MYT1L: variants seen among roughly 807,000 people sequenced by gnomAD.
MYT1L encodes myelin transcription factor 1 like.
A neutral mutation model predicts 126.7 loss-of-function variants in MYT1L; 12 were observed. The observed-to-expected ratio is 0.09, with a 90% CI of 0.06 to 0.15. The LOEUF (loss-of-function observed/expected upper bound fraction) is 0.15. Among genes scored for constraint, MYT1L ranks in the 10% least tolerant of loss-of-function variants. The pLI is 1.00. For synonymous variants in MYT1L, 541 were observed against 604.2 expected, an observed-to-expected ratio of 0.90 and a Z score of 1.53; for missense variants, 979 against 1,585.2, an observed-to-expected ratio of 0.62 and a Z score of 6.49.
rs1467371912 is a variant in MYT1L at position 2,112,376 on chromosome 2, G to GA, written c.-303-58254dup. Among the ~76,000 whole-genome samples the GA allele has an allele frequency of 2.0e-5, 3 of 152,304 alleles. No homozygotes were observed. The South Asian group carries it at 6.2e-4, about 32-fold the overall frequency. The stretch of plus-strand genomic sequence containing the variant: ...TCACCCCACAATTTACTGGTCAAAG[G>GA]AAAGTATTGTACGTTTGAAACACTT... On this transcript the variant is annotated intron_variant, in intron 3 of 24. Coordinates refer to ENST00000647738, the MANE Select transcript of MYT1L (RefSeq NM_001303052.2).
chr2:1,952,899 T>TTACCTTTGCC (rs2057987933), intron 8 of MYT1L, among the ~76,000 whole-genome samples: 1 of 66,406 alleles, frequency 1.5e-5, no homozygotes, highest in African/African-American at 8.3e-5. Flanking sequence ...TCCCTCCTTC[T>TTACCTTTGCC]TTCCCTTCCT....
chr2:2,071,299 G>T (rs748523493), intron 3 of MYT1L, among the ~76,000 whole-genome samples: 4 of 152,130 alleles, frequency 2.6e-5, no homozygotes, highest in African/African-American at 9.7e-5. Context: ...TTAATAATGA[G>T]ATTAGGATAA....
rs1305165736 is a variant in MYT1L, at chr2:1,793,201, A to G, written c.3277-737T>C. Among the ~76,000 whole-genome samples, 2 of 152,222 alleles carry G rather than the reference A, an allele frequency of 1.3e-5. No homozygotes were observed. The highest frequency in any genetic ancestry group is 4.8e-5 in the African/African-American group (2 of 41,460). On this transcript the variant is annotated intron_variant, in intron 23 of 24. Transcript: ENST00000647738. The surrounding 1 kb of genome is among the most constrained non-coding windows in gnomAD (Gnocchi z 4.6). ...GGTCTTCCTGCATTTCTCTAAGGAAAAAGGCCCACCACGGACCCTTCCTCG... is the reference window on the plus strand; with the variant it reads ...GGTCTTCCTGCATTTCTCTAAGGAAGAAGGCCCACCACGGACCCTTCCTCG...
Position 2,272,618 on chromosome 2 carries a change from T to A in MYT1L, c.-421+11786A>T, listed in dbSNP as rs577755723. Among the ~76,000 whole-genome samples, 4 of 152,250 alleles carry A rather than the reference T, an allele frequency of 2.6e-5. No homozygotes were observed. The East Asian group carries it at 7.8e-4, about 30-fold the overall frequency. ...CCTCGACTCCTTCAACAATATCATC[T>A]CCAGCATAGGTCTCTTCTCTGAACT... On this transcript the variant is annotated intron_variant, in intron 2 of 24. Transcript: ENST00000647738.
chr2:2,223,641 T>C (rs1199445954), intron 2 of MYT1L, among the ~76,000 whole-genome samples: 1 of 152,238 alleles, frequency 6.6e-6, no homozygotes, highest in Non-Finnish European at 1.5e-5. Context: ...CTCATATTTT[T>C]TTACAAGACT....
chr2:2,120,035 C>T (rs1489257372), intron 3 of MYT1L, among the ~76,000 whole-genome samples: 1 of 152,116 alleles, frequency 6.6e-6, no homozygotes, highest in African/African-American at 2.4e-5. Context: ...AAATGGAGAT[C>T]AACCTTAGGA....
At chr2:2,290,689 G>A (rs891911488) in intron 1 of MYT1L, among the ~76,000 whole-genome samples, 1 of 152,182 alleles carries the variant, frequency 6.6e-6, no homozygotes, top group African/African-American at 2.4e-5. Context: ...TAAAGATGTG[G>A]TTCCTGGACC....
At chr2:2,311,655 C>G (rs1307739121) in intron 1 of MYT1L, among the ~76,000 whole-genome samples, 1 of 152,168 alleles carries the variant, frequency 6.6e-6, no homozygotes, top group East Asian at 1.9e-4. Context: ...CCCCATCTCT[C>G]TTCTCAAACT....
intron 2 of MYT1L, among the ~76,000 whole-genome samples, chr2:2,182,502 C>G (rs1019922424): frequency 2.0e-5 from 3 of 151,830 alleles, no homozygotes; most frequent in African/African-American, 4.8e-5. Flanking sequence ...CACCCATGTA[C>G]CCCCCACACT....
intron 3 of MYT1L, among the ~76,000 whole-genome samples, chr2:2,141,252 T>C (rs1029788144): frequency 1.3e-5 from 2 of 152,206 alleles, no homozygotes; most frequent in African/African-American, 4.8e-5. Flanking sequence ...GTAAATGGGA[T>C]CCCACAGGTA....
chr2:2,030,741 G>T (rs2066143483), intron 4 of MYT1L, among the ~76,000 whole-genome samples: 1 of 152,164 alleles, frequency 6.6e-6, no homozygotes, highest in South Asian at 2.1e-4. Context: ...AAACCTGCCT[G>T]TAAGTACAAT....
chr2:2,302,329 A>G (rs1025751726), intron 1 of MYT1L, among the ~76,000 whole-genome samples: 3 of 152,234 alleles, frequency 2.0e-5, no homozygotes, highest in Admixed American at 2.0e-4. Flanking sequence ...CTAAATATTC[A>G]GAAATTTTTG....
chr2:2,139,882 T>A (rs998295885), intron 3 of MYT1L, among the ~76,000 whole-genome samples: 15 of 152,322 alleles, frequency 9.8e-5, no homozygotes, highest in African/African-American at 3.4e-4. Context: ...GTGTTTTCAT[T>A]TCCTCAGGTA....
chr2:1,885,768 C>T (rs1163613305), intron 18 of MYT1L, among the ~76,000 whole-genome samples: 1 of 152,178 alleles, frequency 6.6e-6, no homozygotes, highest in Non-Finnish European at 1.5e-5. Context: ...TCCCAGGTCT[C>T]ACCCTCTTTC....
At chr2:1,871,111 G>A (rs769598843) in intron 18 of MYT1L, among the ~76,000 whole-genome samples, 6 of 152,186 alleles carry the variant, frequency 3.9e-5, no homozygotes, top group Non-Finnish European at 7.3e-5. Flanking sequence ...TCTGAGAGTC[G>A]GTCTAATCCG....
chr2:2,189,894 G>A (rs1470137977), intron 2 of MYT1L, among the ~76,000 whole-genome samples: 1 of 151,044 alleles, frequency 6.6e-6, no homozygotes, highest in Non-Finnish European at 1.5e-5. Flanking sequence ...TCTCAGGACC[G>A]CACGGGGAGA....
chr2:1,813,976 G>C (rs1478599065), intron 21 of MYT1L, among the ~76,000 whole-genome samples: 1 of 135,294 alleles, frequency 7.4e-6, no homozygotes, highest in Non-Finnish European at 1.6e-5. Context: ...GCAGTGAGCC[G>C]AGATCGCGCC....
At chr2:2,176,842 A>T (rs1478038553) in intron 2 of MYT1L, among the ~76,000 whole-genome samples, 1 of 152,176 alleles carries the variant, frequency 6.6e-6, no homozygotes, top group Non-Finnish European at 1.5e-5. Context: ...GACACCACTG[A>T]TTCCAACATG....
intron 18 of MYT1L, among the ~76,000 whole-genome samples, chr2:1,856,295 AC>A (rs1417334528): frequency 6.6e-6 from 1 of 152,140 alleles, no homozygotes; most frequent in African/African-American, 2.4e-5. Context: ...TTTACTATTC[AC>A]CACCAAAGAA....
Sources: allele counts gnomAD v4.1 joint callset (sites outside exome capture counted in the v4.1 genomes callset), GRCh38; gene constraint gnomAD v4.1.1; non-coding constraint Gnocchi (gnomAD v3.1); transcripts MANE v1.5; gene names NCBI Gene and HGNC (gene_info 2026-07-23, HGNC 2026-07-21).